RIMS4: variants seen among roughly 807,000 people sequenced by gnomAD.
The protein encoded by RIMS4 is regulating synaptic membrane exocytosis 4.
Under a neutral mutation model 29.0 loss-of-function variants are expected in RIMS4, and 9 were observed. The observed-to-expected ratio is 0.31, with a 90% confidence interval of 0.19 to 0.54. RIMS4 has a LOEUF of 0.54. Among genes scored for constraint, RIMS4 ranks in the 20% least tolerant of loss-of-function variants. RIMS4 has a pLI of 0.94. For missense variants in RIMS4, 193 were observed against 365.7 expected (o/e 0.53, Z 3.85); for synonymous variants, 130 against 152.9 (o/e 0.85, Z 1.10).
chr20:44,810,533 G>C lies in RIMS4; in HGVS notation c.-262C>G, dbSNP rs1014314481. On this transcript the variant is annotated 5_prime_UTR_variant, in exon 1 of 6. Coordinates refer to ENST00000372851, the MANE Select transcript of RIMS4 (RefSeq NM_182970.4). Reference sequence around the variant, plus strand: ...GGCGGCGGTGGCGGCGGCGGTGGCGGCGCAGCGCGCTCTGGTCCGCGGCGC... The same window carrying C: ...GGCGGCGGTGGCGGCGGCGGTGGCGCCGCAGCGCGCTCTGGTCCGCGGCGC... 1.4e-5 allele frequency among the ~76,000 whole-genome samples: 2 copies of C among 145,640 alleles called. No individual in the cohort carries two copies. Among genetic ancestry groups the C allele is most frequent in the Non-Finnish European group, 3.0e-5 (2 of 65,654 alleles).
At position 44,756,758 on chromosome 20, in the gene RIMS4, G is replaced by T. The variant is rs1467690332; in HGVS notation, c.591+140C>A. 1 of 693,048 alleles carries T rather than the reference G, an allele frequency of 1.4e-6. No homozygotes were observed. Among genetic ancestry groups the T allele is most frequent in the Non-Finnish European group, 2.4e-6 (1 of 423,758 alleles). 42.9% of individuals were successfully genotyped at this position (693,048 alleles called of 1,614,324 possible). A position where few individuals can be genotyped will look rare whatever the true frequency, so the allele number is the denominator to read the frequency against. On this transcript the variant is annotated intron_variant, in intron 5 of 5. Transcript: ENST00000372851. This position sits in a 1 kb window ranked among gnomAD's most constrained non-coding sequence, Gnocchi z 5.9. Reference sequence around the variant, plus strand: ...AGTTGTGGAGCTCAGTTCAGCCACAGTGAACTGAGGGCCTCGCCTGTTTCC... The same window carrying T: ...AGTTGTGGAGCTCAGTTCAGCCACATTGAACTGAGGGCCTCGCCTGTTTCC...
chr20:44,761,365 C>T (rs1017607062), intron 2 of RIMS4, among the ~76,000 whole-genome samples: 13 of 152,184 alleles, frequency 8.5e-5, no homozygotes, highest in Admixed American at 5.2e-4. Context: ...TTTGAAGCTA[C>T]CTGCTCTCAC....
At chr20:44,788,756 T>G (rs1568903629) in intron 1 of RIMS4, among the ~76,000 whole-genome samples, 1 of 151,988 alleles carries the variant, frequency 6.6e-6, no homozygotes, top group South Asian at 2.1e-4. Flanking sequence ...AGAAAGACCC[T>G]GTCTCTAAAA....
chr20:44,776,846 C>A (rs2066162340), intron 1 of RIMS4, among the ~76,000 whole-genome samples: 1 of 152,170 alleles, frequency 6.6e-6, no homozygotes. Flanking sequence ...CTACTGCCCC[C>A]CTTTACAGAG....
chr20:44,754,811 G>A lies in RIMS4; in HGVS notation c.*1323C>T, dbSNP rs1470947160. 6.6e-6 allele frequency: 1 copy of A among 152,664 alleles called. No individual in the cohort carries two copies. The highest frequency in any genetic ancestry group is 1.5e-5 in the Non-Finnish European group (1 of 68,118). The allele number at this position is 152,664 out of a possible 1,614,324, so 9.5% of individuals were successfully genotyped here. A position where few individuals can be genotyped will look rare whatever the true frequency, so the allele number is the denominator to read the frequency against. ...AGCACTAACTCTACCTAGCTAACCT[G>A]GACTACGCCCTACACAGCAGGGACT... On this transcript the variant is annotated 3_prime_UTR_variant, in exon 6 of 6. Coordinates refer to ENST00000372851, the MANE Select transcript of RIMS4 (RefSeq NM_182970.4).
intron 2 of RIMS4, among the ~76,000 whole-genome samples, chr20:44,760,929 G>A (rs1289497880): frequency 1.3e-5 from 2 of 152,106 alleles, no homozygotes; most frequent in East Asian, 3.8e-4. Context: ...GGGCAGGGGG[G>A]GATGTGGGCG....
intron 1 of RIMS4, among the ~76,000 whole-genome samples, chr20:44,781,123 T>TGG (rs147159713): frequency 4.6e-5 from 7 of 152,002 alleles, no homozygotes; most frequent in African/African-American, 1.7e-4. Context: ...TAGTAGAGTG[T>TGG]GGGGGGGACA....
At chr20:44,777,257 T>C (rs1212530324) in intron 1 of RIMS4, among the ~76,000 whole-genome samples, 1 of 152,160 alleles carries the variant, frequency 6.6e-6, no homozygotes, top group Non-Finnish European at 1.5e-5. Flanking sequence ...TTAGGATGTG[T>C]CCCCAAGAAA....
intron 1 of RIMS4, among the ~76,000 whole-genome samples, chr20:44,772,589 G>T (rs1359804684): frequency 2.0e-5 from 3 of 152,186 alleles, no homozygotes; most frequent in Non-Finnish European, 4.4e-5. Context: ...AGTAAGGTGG[G>T]GAGCCAGGAC....
rs2066035893 is a variant in RIMS4, at chr20:44,752,134, A to T, written c.*4000T>A. ...TAGACGGGCACCATCAGCCCACCTC[A>T]CAGGCTCGGCGTCGGGTGAGCTCGT... On this transcript the variant is annotated 3_prime_UTR_variant, in exon 6 of 6. Transcript: ENST00000372851. 1 of 152,218 alleles carries T rather than the reference A, an allele frequency of 6.6e-6. No homozygotes were observed. Among genetic ancestry groups the T allele is most frequent in the African/African-American group, 2.4e-5 (1 of 41,432 alleles). 9.4% of individuals were successfully genotyped at this position (152,218 alleles called of 1,614,324 possible).
chr20:44,759,403 G>A lies in RIMS4; in HGVS notation c.237-1219C>T, dbSNP rs556875276. Among the ~76,000 whole-genome samples, 10 of 152,202 alleles carry A rather than the reference G, an allele frequency of 6.6e-5. No individual in the cohort carries two copies. In the East Asian group the frequency reaches 1.4e-3, roughly 21 times the overall value. ...CTCCCAAGTAGCTGGGAATACAGAC[G>A]TGTACCACCACGCCCGGCCAATTTT... On this transcript the variant is annotated intron_variant, in intron 2 of 5. Transcript: ENST00000372851.
chr20:44,756,913 C>A lies in RIMS4; in HGVS notation c.576G>T (p.Gln192His). 6.2e-7 allele frequency: 1 copy of A among 1,614,014 alleles called. No homozygotes were observed. The highest frequency in any genetic ancestry group is 8.5e-7 in the Non-Finnish European group (1 of 1,179,924). Residue 192 changes from glutamine (Q) to histidine (H), a missense_variant, in exon 5 of 6, where the codon CAG becomes CAT. Coordinates refer to ENST00000372851, the MANE Select transcript of RIMS4 (RefSeq NM_182970.4). The surrounding 1 kb of genome is among the most constrained non-coding windows in gnomAD (Gnocchi z 5.9). ...TGCCCCTCACCTGGAGGACTTTGCC[C>A]TGGGGACTCTCAGGAAACAGCAGCA... ...NQVLLFPESP[Q>H]GKVLQVIVWG...
At chr20:44,771,219 C>T (rs1482641391) in intron 2 of RIMS4, 56 bp downstream of exon 2, 14 of 1,567,922 alleles carry the variant, frequency 8.9e-6, no homozygotes, top group Admixed American at 5.1e-5. Flanking sequence ...CAGTCCCTCC[C>T]GTGCCCCACC....
chr20:44,756,438 T>C lies in RIMS4; in HGVS notation c.592-86A>G. On this transcript the variant is annotated intron_variant, in intron 5 of 5. Coordinates refer to ENST00000372851, the MANE Select transcript of RIMS4 (RefSeq NM_182970.4). This position sits in a 1 kb window ranked among gnomAD's most constrained non-coding sequence, Gnocchi z 5.9. ...AGAACCTGGGTCGCCCCATGCCCAA[T>C]CCAGCTCAGTCCTGTGATTTCTACC... The C allele has an allele frequency of 9.6e-7, 1 of 1,045,860 alleles. No individual in the cohort carries two copies. The highest frequency in any genetic ancestry group is 2.6e-5 in the East Asian group (1 of 38,456). 64.8% of individuals were successfully genotyped at this position (1,045,860 alleles called of 1,614,324 possible).
chr20:44,810,229 CGAA>C lies in RIMS4; in HGVS notation c.40_42del (p.Phe14del). 6.4e-7 allele frequency: 1 copy of C among 1,569,986 alleles called. No homozygotes were observed. The stretch of plus-strand genomic sequence containing the variant: ...CACGGGAAGTAGATGGCGAGCGCCT[CGAA>C]GGAGGCGGACAGACTGAGGCGGCTC... On this transcript the variant is annotated inframe_deletion, in exon 1 of 6. Coordinates refer to ENST00000372851, the MANE Select transcript of RIMS4 (RefSeq NM_182970.4).
chr20:44,756,189 T>G lies in RIMS4; in HGVS notation c.755A>C (p.Gln252Pro). Residue 252 changes from glutamine to proline, a missense_variant, in exon 6 of 6, where the codon CAG becomes CCG. Physicochemically the swap from Gln to Pro is moderately conservative, Grantham distance 76 (BLOSUM62 -1). Transcript: ENST00000372851. This position sits in a 1 kb window ranked among gnomAD's most constrained non-coding sequence, Gnocchi z 5.9. ...GCTCTCGAGGGACAACTGGGATGCC[T>G]GCCGGAGCAGGGGGCCTGTGGCTGG... ...VDPATGPLLR[Q>P]ASQLSLESTV... 1 of 1,613,796 alleles carries G rather than the reference T, an allele frequency of 6.2e-7. No individual in the cohort carries two copies. The highest frequency in any genetic ancestry group is 8.5e-7 in the Non-Finnish European group (1 of 1,179,950).
chr20:44,770,851 T>C (rs2066134095), intron 2 of RIMS4, among the ~76,000 whole-genome samples: 1 of 152,236 alleles, frequency 6.6e-6, no homozygotes, highest in African/African-American at 2.4e-5. Context: ...CTACCCCTCC[T>C]TTATTTCTTA....
chr20:44,773,813 A>C (rs2066147685), intron 1 of RIMS4, among the ~76,000 whole-genome samples: 1 of 152,198 alleles, frequency 6.6e-6, no homozygotes, highest in African/African-American at 2.4e-5. Context: ...CTTTGCAGTC[A>C]GAAGGCCCAG....
intron 4 of RIMS4, 111 bp downstream of exon 4, chr20:44,757,558 CA>C (rs1455703187): frequency 1.8e-5 from 14 of 799,268 alleles, no homozygotes; most frequent in Admixed American, 1.3e-4. Flanking sequence ...AGAGTTGGGA[CA>C]GGGGGTCCCC....
Sources: allele counts gnomAD v4.1 joint callset (sites outside exome capture counted in the v4.1 genomes callset), GRCh38; gene constraint gnomAD v4.1.1; non-coding constraint Gnocchi (gnomAD v3.1); transcripts MANE v1.5; gene names NCBI Gene and HGNC (gene_info 2026-07-23, HGNC 2026-07-21).